Variants in CAMKMT observed in about 807,000 individuals in gnomAD.
The protein encoded by CAMKMT is calmodulin-lysine N-methyltransferase.
CAMKMT carries 53 observed loss-of-function variants against 48.0 expected under a neutral mutation model. That is an observed-to-expected ratio of 1.10 (90% CI 0.89 to 1.39). The LOEUF (loss-of-function observed/expected upper bound fraction) is 1.39, where lower values mean the gene tolerates loss of function less well. CAMKMT is among the 40% of genes most tolerant of loss of function. The probability of loss-of-function intolerance (pLI) is 0.00; values close to 1 mark genes in which losing one functional copy is unlikely to be tolerated. For synonymous variants in CAMKMT, 165 were observed against 152.3 expected (o/e 1.08, Z -0.61); for missense variants, 428 against 402.7 (o/e 1.06, Z -0.54).
intron 3 of CAMKMT, among the ~76,000 whole-genome samples, chr2:44,438,587 A>G (rs1370052081): frequency 6.6e-6 from 1 of 152,184 alleles, no homozygotes; most frequent in Non-Finnish European, 1.5e-5. Flanking sequence ...CTCTTAATGC[A>G]GTATAGAGTT....
intron 3 of CAMKMT, among the ~76,000 whole-genome samples, chr2:44,394,471 A>C (rs1390097374): frequency 6.6e-6 from 1 of 151,288 alleles, no homozygotes; most frequent in East Asian, 1.9e-4. Context: ...CTTGTCCCCC[A>C]GGCTAGAGTG....
At chr2:44,571,458 T>G (rs936207538) in intron 3 of CAMKMT, among the ~76,000 whole-genome samples, 4 of 152,222 alleles carry the variant, frequency 2.6e-5, no homozygotes, top group Non-Finnish European at 5.9e-5. Flanking sequence ...TTAAATCTAG[T>G]CTGCTATTTA....
chr2:44,701,003 T>C (rs1302129632), intron 3 of CAMKMT, among the ~76,000 whole-genome samples: 1 of 152,204 alleles, frequency 6.6e-6, no homozygotes, highest in Non-Finnish European at 1.5e-5. Flanking sequence ...AATAATCCAT[T>C]GTATGGACGT....
chr2:44,538,187 G>A (rs1384991355), intron 3 of CAMKMT, among the ~76,000 whole-genome samples: 1 of 151,988 alleles, frequency 6.6e-6, no homozygotes, highest in African/African-American at 2.4e-5. Context: ...GGCCAAGATG[G>A]TGAAACCCTG....
chr2:44,731,965 A>G (rs1400923665), intron 7 of CAMKMT, among the ~76,000 whole-genome samples: 1 of 152,102 alleles, frequency 6.6e-6, no homozygotes, highest in Non-Finnish European at 1.5e-5. Flanking sequence ...TTATTTTTAA[A>G]ATTAGAGACA....
At chr2:44,563,165 T>C (rs1415630985) in intron 3 of CAMKMT, among the ~76,000 whole-genome samples, 10 of 146,644 alleles carry the variant, frequency 6.8e-5, no homozygotes, top group East Asian at 1.9e-4. Flanking sequence ...ATAAAAATAA[T>C]CCTACAATCC....
intron 3 of CAMKMT, among the ~76,000 whole-genome samples, chr2:44,627,916 T>C (rs546187610): frequency 6.6e-6 from 1 of 151,866 alleles, no homozygotes; most frequent in Non-Finnish European, 1.5e-5. Context: ...GCCAGGCTGG[T>C]CTCTAACTCC....
intron 3 of CAMKMT, among the ~76,000 whole-genome samples, chr2:44,628,549 GTTT>G (rs748325949): frequency 7.0e-6 from 1 of 142,178 alleles, no homozygotes; most frequent in Non-Finnish European, 1.5e-5. Flanking sequence ...TTTTTTCTAA[GTTT>G]TTTTTTTTTT....
chr2:44,558,710 G>A (rs974834995), intron 3 of CAMKMT, among the ~76,000 whole-genome samples: 6 of 152,068 alleles, frequency 3.9e-5, no homozygotes, highest in South Asian at 2.1e-4. Context: ...ATGTTCTCAC[G>A]TATAACTGGG....
At chr2:44,630,333 C>T (rs1278906305) in intron 3 of CAMKMT, among the ~76,000 whole-genome samples, 10 of 152,272 alleles carry the variant, frequency 6.6e-5, no homozygotes, top group South Asian at 6.2e-4. Context: ...GACACAGGCA[C>T]GGGGAAGGAC....
intron 3 of CAMKMT, among the ~76,000 whole-genome samples, chr2:44,482,568 A>G (rs1472844130): frequency 6.6e-6 from 1 of 152,188 alleles, no homozygotes; most frequent in African/African-American, 2.4e-5. Flanking sequence ...ATAAACATTT[A>G]ACGAAAATAT....
chr2:44,551,109 C>T (rs1030511072), intron 3 of CAMKMT, among the ~76,000 whole-genome samples: 3 of 134,914 alleles, frequency 2.2e-5, no homozygotes, highest in Non-Finnish European at 5.1e-5. Flanking sequence ...GGGTAGAGTA[C>T]GTGGCAGTAA....
Position 44,618,974 on chromosome 2 carries a change from CATAA to C in CAMKMT, c.377-85305_377-85302del, listed in dbSNP as rs1672033829. Among the ~76,000 whole-genome samples the C allele has an allele frequency of 6.6e-6, 1 of 152,134 alleles. No individual in the cohort carries two copies. The highest frequency in any genetic ancestry group is 6.5e-5 in the Admixed American group (1 of 15,278). On this transcript the variant is annotated intron_variant, in intron 3 of 10. Coordinates refer to ENST00000378494, the MANE Select transcript of CAMKMT (RefSeq NM_024766.5). The surrounding 1 kb of genome is among the most constrained non-coding windows in gnomAD (Gnocchi z 4.0). ...AGACTACTGTAAATTCAGATCTACTCATAAATAGTTTGGAAATCACTGGGGATTA... is the reference window on the plus strand; with the variant it reads ...AGACTACTGTAAATTCAGATCTACTCATAGTTTGGAAATCACTGGGGATTA...
At chr2:44,455,553 A>G (rs696595) in intron 3 of CAMKMT, among the ~76,000 whole-genome samples, 121,346 of 152,078 alleles carry the variant, frequency 0.8, 48,897 homozygotes, top group African/African-American at 0.91. Flanking sequence ...CCATTGAAAA[A>G]TTCTTAAACT....
chr2:44,611,916 A>T (rs1671621234), intron 3 of CAMKMT, among the ~76,000 whole-genome samples: 1 of 152,094 alleles, frequency 6.6e-6, no homozygotes, highest in Admixed American at 6.5e-5. Context: ...GAGCTCACTT[A>T]TCACCAAAGA....
At chr2:44,675,898 A>G (rs1675659800) in intron 3 of CAMKMT, among the ~76,000 whole-genome samples, 1 of 152,176 alleles carries the variant, frequency 6.6e-6, no homozygotes, top group Non-Finnish European at 1.5e-5. Flanking sequence ...CACTCTGGGT[A>G]CCGCAAATAA....
Position 44,627,080 on chromosome 2 carries a change from T to C in CAMKMT, c.377-77203T>C, listed in dbSNP as rs180753387. ...TTGTTGAGAAATTTTTTCATAAATG[T>C]ATGTTAAATTTTGTGAAATTATTTT... On this transcript the variant is annotated intron_variant, in intron 3 of 10. Transcript: ENST00000378494. Among the ~76,000 whole-genome samples, 17 of 152,354 alleles carry C rather than the reference T, an allele frequency of 1.1e-4. 1 individual carries two copies. The highest frequency in any genetic ancestry group is 9.1e-4 in the Admixed American group (14 of 15,304).
intron 3 of CAMKMT, among the ~76,000 whole-genome samples, chr2:44,698,690 A>C (rs1677098396): frequency 6.6e-6 from 1 of 152,200 alleles, no homozygotes; most frequent in Admixed American, 6.5e-5. Flanking sequence ...ATGGTTGCTG[A>C]AAGTTAGGGT....
intron 2 of CAMKMT, among the ~76,000 whole-genome samples, chr2:44,377,567 A>T (rs1679825070): frequency 1.3e-5 from 2 of 152,194 alleles, no homozygotes; most frequent in Admixed American, 6.5e-5. Flanking sequence ...AATTGCTTCC[A>T]TTATATATGG....
Sources: allele counts gnomAD v4.1 joint callset (sites outside exome capture counted in the v4.1 genomes callset), GRCh38; gene constraint gnomAD v4.1.1; non-coding constraint Gnocchi (gnomAD v3.1); transcripts MANE v1.5; gene names NCBI Gene and HGNC (gene_info 2026-07-23, HGNC 2026-07-21).